CAST: variants seen among roughly 807,000 people sequenced by gnomAD.
CAST encodes the protein MIR583 host.
CAST carries 76 observed loss-of-function variants against 119.6 expected under a neutral mutation model. The ratio of observed to expected loss-of-function variants is 0.64; its 90% CI spans 0.53 to 0.77. The LOEUF (loss-of-function observed/expected upper bound fraction) is 0.77, where lower values mean the gene tolerates loss of function less well. Among genes scored for constraint, CAST ranks in the 30% least tolerant of loss-of-function variants. CAST has a pLI of 0.00. For missense variants in CAST, 953 were observed against 946.5 expected (o/e 1.01, Z -0.09); for synonymous variants, 319 against 331.6 (o/e 0.96, Z 0.41).
the CAST span, among the ~76,000 whole-genome samples, chr5:96,234,040 T>G: frequency 6.6e-6 from 1 of 152,184 alleles, no homozygotes; most frequent in Non-Finnish European, 1.5e-5. Flanking sequence ...TTGATTTCCC[T>G]GCTTCAGAAG....
chr5:96,035,093 GTATA>G, the CAST span, among the ~76,000 whole-genome samples: 1 of 127,294 alleles, frequency 7.9e-6, no homozygotes, highest in African/African-American at 2.9e-5. Flanking sequence ...ATATATTTAA[GTATA>G]TATATACTTC....
At chr5:96,606,068 T>C (rs75377966) in intron 1 of CAST, among the ~76,000 whole-genome samples, 373 of 152,034 alleles carry the variant, frequency 2.5e-3, no homozygotes, top group African/African-American at 8.6e-3. Flanking sequence ...AGTTGTGGGG[T>C]AATAGAATTT....
the CAST span, among the ~76,000 whole-genome samples, chr5:96,516,212 T>C: frequency 6.6e-6 from 1 of 151,950 alleles, no homozygotes; most frequent in African/African-American, 2.4e-5. Flanking sequence ...TAAAAGCAAT[T>C]ATTTTTCTTC....
At chr5:96,489,843 A>C in the CAST span, among the ~76,000 whole-genome samples, 1 of 152,210 alleles carries the variant, frequency 6.6e-6, no homozygotes, top group Non-Finnish European at 1.5e-5. Flanking sequence ...AGGCCATTAA[A>C]CTGACTGTGG....
chr5:96,363,534 T>C, the CAST span, among the ~76,000 whole-genome samples: 2 of 152,208 alleles, frequency 1.3e-5, no homozygotes, highest in Non-Finnish European at 2.9e-5. Context: ...GTAGTTCTCC[T>C]TGAAGAGGTC....
chr5:96,280,258 G>A, the CAST span, among the ~76,000 whole-genome samples: 1 of 151,868 alleles, frequency 6.6e-6, no homozygotes. Context: ...GTTGCTGTTT[G>A]GTAGTTCCTA....
chr5:96,590,408 A>C (rs1746942508), intron 1 of CAST, among the ~76,000 whole-genome samples: 1 of 152,192 alleles, frequency 6.6e-6, no homozygotes, highest in Non-Finnish European at 1.5e-5. Context: ...AATGGTTTGC[A>C]GGTAAGGACT....
At chr5:96,107,027 C>G in the CAST span, among the ~76,000 whole-genome samples, 1 of 143,540 alleles carries the variant, frequency 7.0e-6, no homozygotes, top group Middle Eastern at 3.4e-3. Context: ...TCTGTTTTAT[C>G]AGAGACTAGG....
intron 1 of CAST, among the ~76,000 whole-genome samples, chr5:96,568,133 G>A (rs1746506045): frequency 6.6e-6 from 1 of 152,186 alleles, no homozygotes; most frequent in East Asian, 1.9e-4. Flanking sequence ...ATTTTTAGGT[G>A]TGTTAAGAGC....
the CAST span, among the ~76,000 whole-genome samples, chr5:96,260,448 A>G: frequency 6.6e-6 from 1 of 152,212 alleles, no homozygotes; most frequent in South Asian, 2.1e-4. Flanking sequence ...CCACTCACTC[A>G]CCCCTGCAGC....
chr5:96,494,602 C>T, the CAST span, among the ~76,000 whole-genome samples: 13 of 152,054 alleles, frequency 8.5e-5, no homozygotes, highest in Non-Finnish European at 1.6e-4. Context: ...TGAAGTGGAA[C>T]CAGATGTTAA....
intron 1 of CAST, among the ~76,000 whole-genome samples, chr5:96,607,827 A>G (rs970603401): frequency 1.3e-5 from 2 of 152,084 alleles, no homozygotes; most frequent in Non-Finnish European, 2.9e-5. Context: ...AATAGGTTTT[A>G]TTTGTTTGTA....
chr5:96,627,192 G>A (rs72772047), intron 1 of CAST, among the ~76,000 whole-genome samples: 9,481 of 152,252 alleles, frequency 0.062, 560 homozygotes, highest in African/African-American at 0.16. Context: ...CCACAACATA[G>A]TTGTGATTTT....
At chr5:96,204,390 G>C in the CAST span, among the ~76,000 whole-genome samples, 1 of 152,066 alleles carries the variant, frequency 6.6e-6, no homozygotes, top group Non-Finnish European at 1.5e-5. Flanking sequence ...GATGCACAAA[G>C]ATGATTTTAC....
the CAST span, among the ~76,000 whole-genome samples, chr5:96,051,485 G>GC: frequency 2.0e-5 from 3 of 152,178 alleles, no homozygotes; most frequent in African/African-American, 7.2e-5. Context: ...GGGGGTAACT[G>GC]CCAGGATAGT....
At chr5:96,133,213 A>C in the CAST span, among the ~76,000 whole-genome samples, 5 of 152,184 alleles carry the variant, frequency 3.3e-5, no homozygotes, top group African/African-American at 1.2e-4. Flanking sequence ...AAAAGTTAAC[A>C]TTAAGAGATT....
At chr5:96,060,906 GA>G in the CAST span, among the ~76,000 whole-genome samples, 2 of 152,146 alleles carry the variant, frequency 1.3e-5, no homozygotes, top group South Asian at 4.1e-4. Context: ...GATTTCTGGT[GA>G]AGGTGCTCTT....
At chr5:96,109,944 G>A in the CAST span, among the ~76,000 whole-genome samples, 3 of 148,270 alleles carry the variant, frequency 2.0e-5, no homozygotes, top group East Asian at 6.0e-4. Flanking sequence ...AAAAAAAAAA[G>A]AAAAAAAATA....
At chr5:96,042,960 T>A in the CAST span, among the ~76,000 whole-genome samples, 1 of 152,156 alleles carries the variant, frequency 6.6e-6, no homozygotes, top group Non-Finnish European at 1.5e-5. Flanking sequence ...AAAAGACTGG[T>A]CAAATAAACC....
Sources: allele counts gnomAD v4.1 joint callset (sites outside exome capture counted in the v4.1 genomes callset), GRCh38; gene constraint gnomAD v4.1.1; transcripts MANE v1.5; gene names NCBI Gene and HGNC (gene_info 2026-07-23, HGNC 2026-07-21).